GULP1: variants seen among roughly 807,000 people sequenced by gnomAD.
GULP1 encodes the protein PTB domain-containing engulfment adapter protein 1.
In GULP1, 19 loss-of-function variants were observed where a neutral mutation model predicts 40.9. That is an observed-to-expected ratio of 0.46 (90% CI 0.32 to 0.68). GULP1 has a LOEUF of 0.68. GULP1 is among the 30% of genes least tolerant of loss of function. GULP1 has a pLI of 0.03. For missense variants in GULP1, 312 were observed against 362.2 expected (o/e 0.86, Z 1.12); for synonymous variants, 119 against 117.6 (o/e 1.01, Z -0.08).
At chr2:188,499,143 A>G (rs907024265) in intron 4 of GULP1, among the ~76,000 whole-genome samples, 8 of 100,818 alleles carry the variant, frequency 7.9e-5, no homozygotes, top group East Asian at 4.6e-4. Context: ...GTGTATATAT[A>G]TATATATATA....
At chr2:188,531,019 C>T (rs1687406978) in intron 6 of GULP1, among the ~76,000 whole-genome samples, 1 of 152,174 alleles carries the variant, frequency 6.6e-6, no homozygotes, top group Non-Finnish European at 1.5e-5. Flanking sequence ...AGGTCTGCAA[C>T]TTTTCTCTAG....
At chr2:188,312,786 C>T (rs888558657) in intron 1 of GULP1, among the ~76,000 whole-genome samples, 2 of 152,182 alleles carry the variant, frequency 1.3e-5, no homozygotes, top group African/African-American at 4.8e-5. Flanking sequence ...GTTCCTAATT[C>T]TCCACAGCCT....
rs531942185 is a variant in GULP1 at position 188,341,730 on chromosome 2, T to A, written c.-171-42033T>A. On this transcript the variant is annotated intron_variant, in intron 1 of 11. Transcript: ENST00000409830. Reference sequence around the variant, plus strand: ...AATGTACAGTTTTTAATATAAATTATCACATTTCTTTCTCAAAAGTACATA... The same window carrying A: ...AATGTACAGTTTTTAATATAAATTAACACATTTCTTTCTCAAAAGTACATA... Among the ~76,000 whole-genome samples the A allele has an allele frequency of 3.2e-4, 48 of 152,376 alleles. 2 individuals carry two copies. The highest frequency in any genetic ancestry group is 3.4e-3 in the Middle Eastern group (1 of 294).
intron 2 of GULP1, among the ~76,000 whole-genome samples, chr2:188,433,634 C>G (rs1241673231): frequency 1.3e-5 from 2 of 152,076 alleles, no homozygotes; most frequent in Non-Finnish European, 1.5e-5. Context: ...ATCTTGGTAT[C>G]TTAGTTCTGA....
intron 1 of GULP1, among the ~76,000 whole-genome samples, chr2:188,317,565 G>T (rs2039292064): frequency 6.6e-6 from 1 of 152,038 alleles, no homozygotes; most frequent in African/African-American, 2.4e-5. Context: ...GGTGCAGTCT[G>T]TCAAATGTTT....
intron 9 of GULP1, among the ~76,000 whole-genome samples, chr2:188,574,934 G>A (rs939224821): frequency 6.6e-6 from 1 of 152,078 alleles, no homozygotes; most frequent in African/African-American, 2.4e-5. Context: ...GAGAACATAC[G>A]TGCATGTTTC....
intron 1 of GULP1, among the ~76,000 whole-genome samples, chr2:188,347,509 A>G (rs1409448382): frequency 1.3e-5 from 2 of 152,216 alleles, no homozygotes; most frequent in East Asian, 3.9e-4. Flanking sequence ...AAAAAGTCCA[A>G]AAAAGTCAGT....
chr2:188,504,035 A>C (rs2063685190), intron 4 of GULP1, among the ~76,000 whole-genome samples: 1 of 151,882 alleles, frequency 6.6e-6, no homozygotes, highest in Non-Finnish European at 1.5e-5. Context: ...TTTTTCCCTG[A>C]TAATTACCAT....
intron 2 of GULP1, among the ~76,000 whole-genome samples, chr2:188,394,416 A>C (rs1190031634): frequency 6.6e-6 from 1 of 151,666 alleles, no homozygotes; most frequent in African/African-American, 2.4e-5. Context: ...CTTTAGAAAA[A>C]TTTTCATTCA....
chr2:188,396,951 TA>T (rs2051365327), intron 2 of GULP1, among the ~76,000 whole-genome samples: 1 of 152,166 alleles, frequency 6.6e-6, no homozygotes, highest in Non-Finnish European at 1.5e-5. Context: ...CTGGTTAGGG[TA>T]AGGCCTTCCC....
intron 4 of GULP1, among the ~76,000 whole-genome samples, chr2:188,519,704 C>T (rs1323094576): frequency 1.3e-5 from 2 of 152,184 alleles, no homozygotes; most frequent in Admixed American, 6.5e-5. Context: ...ACATTAATAT[C>T]GCTTAGGGAG....
At chr2:188,574,996 G>T (rs1269548107) in intron 9 of GULP1, among the ~76,000 whole-genome samples, 1 of 152,136 alleles carries the variant, frequency 6.6e-6, no homozygotes, top group East Asian at 1.9e-4. Context: ...TAGAAAGTTT[G>T]TCAGTCACTT....
intron 2 of GULP1, among the ~76,000 whole-genome samples, chr2:188,458,249 C>T (rs1426908190): frequency 1.3e-5 from 2 of 152,144 alleles, no homozygotes; most frequent in Admixed American, 1.3e-4. Flanking sequence ...AGAACTTCTT[C>T]TTGCATTTAT....
At chr2:188,390,925 A>T (rs750114592) in intron 2 of GULP1, among the ~76,000 whole-genome samples, 1 of 151,908 alleles carries the variant, frequency 6.6e-6, no homozygotes, top group East Asian at 1.9e-4. Flanking sequence ...TCAGTTGGTT[A>T]TAAGTATTTG....
chr2:188,582,351 A>G lies in GULP1; in HGVS notation c.610-1914A>G, dbSNP rs12328188. On this transcript the variant is annotated intron_variant, in intron 9 of 11. Coordinates refer to ENST00000409830, the MANE Select transcript of GULP1 (RefSeq NM_016315.4). Reference sequence around the variant, plus strand: ...GTCATTCCTTTACAGCTGCTGCACAATATGTCTGATCATGAACAACATGTG... The same window carrying G: ...GTCATTCCTTTACAGCTGCTGCACAGTATGTCTGATCATGAACAACATGTG... The G allele has an allele frequency of 1.8e-3, 837 of 471,168 alleles. 14 individuals carry two copies. The highest frequency in any genetic ancestry group is 0.015 in the African/African-American group (777 of 50,192). The allele number at this position is 471,168 out of a possible 1,614,324, so 29.2% of individuals were successfully genotyped here. A position where few individuals can be genotyped will look rare whatever the true frequency, so the allele number is the denominator to read the frequency against.
At chr2:188,533,648 A>G (rs1298393001) in intron 6 of GULP1, among the ~76,000 whole-genome samples, 1 of 152,206 alleles carries the variant, frequency 6.6e-6, no homozygotes, top group African/African-American at 2.4e-5. Context: ...ATTAAATTAA[A>G]GAGCCTCTGC....
At chr2:188,490,924 C>A (rs370876711) in intron 4 of GULP1, among the ~76,000 whole-genome samples, 1 of 151,978 alleles carries the variant, frequency 6.6e-6, no homozygotes, top group East Asian at 1.9e-4. Context: ...ATACTTCAGC[C>A]TCCTGAGTAG....
At chr2:188,462,640 CTGAA>C (rs1313852602) in intron 2 of GULP1, among the ~76,000 whole-genome samples, 3 of 152,076 alleles carry the variant, frequency 2.0e-5, no homozygotes, top group African/African-American at 7.2e-5. Flanking sequence ...TATCCTTTTG[CTGAA>C]TTAACCTCTT....
At chr2:188,308,523 G>A (rs1228363214) in intron 1 of GULP1, among the ~76,000 whole-genome samples, 8 of 152,142 alleles carry the variant, frequency 5.3e-5, no homozygotes, top group Non-Finnish European at 1.2e-4. Context: ...AAATGCACTA[G>A]AGCTTTGTTT....
Sources: allele counts gnomAD v4.1 joint callset (sites outside exome capture counted in the v4.1 genomes callset), GRCh38; gene constraint gnomAD v4.1.1; transcripts MANE v1.5; gene names NCBI Gene and HGNC (gene_info 2026-07-23, HGNC 2026-07-21).